The following SLC12A4 variants were observed in gnomAD, a reference collection of about 807,000 sequenced individuals.
The protein encoded by SLC12A4 is electroneutral potassium-chloride cotransporter 1.
Under a neutral mutation model 119.2 loss-of-function variants are expected in SLC12A4, and 84 were observed. That is an observed-to-expected ratio of 0.70 (90% CI 0.59 to 0.85). The LOEUF (loss-of-function observed/expected upper bound fraction) is 0.85. Ranked by LOEUF, SLC12A4 falls within the 40% of genes least tolerant of loss-of-function variation. The pLI, the probability that SLC12A4 is intolerant of heterozygous loss-of-function variation, is 0.00. For missense variants in SLC12A4, 1,298 were observed against 1,476.3 expected, an observed-to-expected ratio of 0.88 and a Z score of 1.98; for synonymous variants, 599 against 604.6, an observed-to-expected ratio of 0.99 and a Z score of 0.14.
At chr16:67,962,240 C>T (rs1390163102) in intron 2 of SLC12A4, 1 of 152,596 alleles carries the variant, frequency 6.6e-6, no homozygotes, top group Non-Finnish European at 1.5e-5. Flanking sequence ...CTGCAAGTAC[C>T]CACATCAATC....
Position 67,950,601 on chromosome 16 carries a change from G to A in SLC12A4, c.1454+53C>T. On this transcript the variant is annotated intron_variant, in intron 11 of 23. Coordinates refer to ENST00000316341, the MANE Select transcript of SLC12A4 (RefSeq NM_005072.5). The surrounding 1 kb of genome is among the most constrained non-coding windows in gnomAD (Gnocchi z 4.3). ...CACCCACGGGGTTGGGAGCTGGTGT[G>A]AGGGCAGGCCAAAGCCCAGCCGCTG... is the stretch of plus-strand genomic sequence containing the variant. 6.2e-7 allele frequency: 1 copy of A among 1,607,976 alleles called. No individual in the cohort carries two copies. The highest frequency in any genetic ancestry group is 8.5e-7 in the Non-Finnish European group (1 of 1,176,898).
At chr16:67,959,430 T>A (rs1336225954) in intron 3 of SLC12A4, among the ~76,000 whole-genome samples, 2 of 152,106 alleles carry the variant, frequency 1.3e-5, no homozygotes, top group Non-Finnish European at 2.9e-5. Flanking sequence ...AGAAGAGAAC[T>A]CCATGGCCAT....
chr16:67,950,962 A>C lies in SLC12A4; in HGVS notation c.1396T>G (p.Tyr466Asp), dbSNP rs750488270. ...CTGCCCCAGGCCTGGGAAAGGATAC[A>C]CACGAGGGAAGTTGTAATGATGGCC... ...ILAIITTSLV[Y>D]FSSVVLFGAC... is the part of the protein sequence containing the mutation. The change falls in exon 10 of 24, where the codon TAC becomes GAC. Residue 466 changes from tyrosine to aspartate, a missense_variant and splice_region_variant. By Grantham distance (160) the Tyr-to-Asp change is radical. Coordinates refer to ENST00000316341, the MANE Select transcript of SLC12A4 (RefSeq NM_005072.5). This position sits in a 1 kb window ranked among gnomAD's most constrained non-coding sequence, Gnocchi z 4.3. The C allele has an allele frequency of 5.6e-6, 9 of 1,613,248 alleles. No individual in the cohort carries two copies. The highest frequency in any genetic ancestry group is 7.6e-6 in the Non-Finnish European group (9 of 1,179,722).
At chr16:67,964,590 A>G (rs1242987241) in intron 1 of SLC12A4, among the ~76,000 whole-genome samples, 1 of 151,932 alleles carries the variant, frequency 6.6e-6, no homozygotes, top group Non-Finnish European at 1.5e-5. Flanking sequence ...CTCACAGCAA[A>G]TGGAAAGCAC....
rs111342145 is a variant in SLC12A4 at position 67,951,528 on chromosome 16, C to T, written c.1133-224G>A. 4.4e-5 allele frequency: 27 copies of T among 613,366 alleles called. 1 individual carries two copies. The highest frequency in any genetic ancestry group is 3.5e-4 in the African/African-American group (19 of 54,204). The allele number at this position is 613,366 out of a possible 1,614,324, so 38.0% of individuals were successfully genotyped here. On this transcript the variant is annotated intron_variant, in intron 8 of 23. Coordinates refer to ENST00000316341, the MANE Select transcript of SLC12A4 (RefSeq NM_005072.5). The surrounding 1 kb of genome is among the most constrained non-coding windows in gnomAD (Gnocchi z 5.2). ...GGCTGAACCACCGTCACCCAGAGCC[C>T]GCCACTGCCCGCCTTCCACAGAGGC... is the stretch of plus-strand genomic sequence containing the variant.
chr16:67,946,874 C>T, intron 17 of SLC12A4, 63 bp downstream of exon 17: 1 of 1,541,436 alleles, frequency 6.5e-7, no homozygotes, highest in Non-Finnish European at 8.8e-7. Flanking sequence ...GCCCTCCCCT[C>T]CGTGCCAGCT....
Position 67,949,097 on chromosome 16 carries a change from C to T in SLC12A4, c.1748+703G>A, listed in dbSNP as rs1270463482. ...GTCACCACATGCTGGCCACTCCCTG[C>T]AAGGCACTGGCACGCAGATTTGCCT... On this transcript the variant is annotated intron_variant, in intron 13 of 23. Coordinates refer to ENST00000316341, the MANE Select transcript of SLC12A4 (RefSeq NM_005072.5). This position sits in a 1 kb window ranked among gnomAD's most constrained non-coding sequence, Gnocchi z 4.6. Among the ~76,000 whole-genome samples the T allele has an allele frequency of 1.3e-5, 2 of 152,300 alleles. No individual in the cohort carries two copies. Among genetic ancestry groups the T allele is most frequent in the South Asian group, 4.1e-4 (2 of 4,822 alleles).
chr16:67,963,569 G>T lies in SLC12A4; in HGVS notation c.116-10C>A. 1 of 1,553,352 alleles carries T rather than the reference G, an allele frequency of 6.4e-7. No individual in the cohort carries two copies. Among genetic ancestry groups the T allele is most frequent in the South Asian group, 1.2e-5 (1 of 82,298 alleles). ...CTGTGGTTGCCATGTCCTGTGAAGAGAGAGGGACAATCAGGGCCTGCTTCC... is the reference window on the plus strand; with the variant it reads ...CTGTGGTTGCCATGTCCTGTGAAGATAGAGGGACAATCAGGGCCTGCTTCC... On this transcript the variant is annotated splice_polypyrimidine_tract_variant and intron_variant, in intron 1 of 23. Coordinates refer to ENST00000316341, the MANE Select transcript of SLC12A4 (RefSeq NM_005072.5).
Position 67,950,137 on chromosome 16 carries a change from G to A in SLC12A4, c.1629+182C>T. 1 of 736,416 alleles carries A rather than the reference G, an allele frequency of 1.4e-6. No individual in the cohort carries two copies. Among genetic ancestry groups the A allele is most frequent in the Non-Finnish European group, 2.2e-6 (1 of 457,782 alleles). 45.6% of individuals were successfully genotyped at this position (736,416 alleles called of 1,614,324 possible). A position where few individuals can be genotyped will look rare whatever the true frequency, so the allele number is the denominator to read the frequency against. On this transcript the variant is annotated intron_variant, in intron 12 of 23. Transcript: ENST00000316341. This position sits in a 1 kb window ranked among gnomAD's most constrained non-coding sequence, Gnocchi z 4.3. Reference sequence around the variant, plus strand: ...CAGGCCATGAAGATTCTGGGTCCAGGCAGCTCCAGGCCCAGGTGAGTGCCA... The same window carrying A: ...CAGGCCATGAAGATTCTGGGTCCAGACAGCTCCAGGCCCAGGTGAGTGCCA...
intron 1 of SLC12A4, chr16:67,964,012 C>G: frequency 6.4e-7 from 1 of 1,551,170 alleles, no homozygotes. Flanking sequence ...CCGCACACAG[C>G]ACCTTCGGCT....
chr16:67,945,803 C>T lies in SLC12A4; in HGVS notation c.2808G>A (p.Leu936=), dbSNP rs2058337815. Residue 936 remains leucine, a synonymous_variant, in exon 21 of 24, where the codon CTG becomes CTA. Transcript: ENST00000316341. The part of the protein sequence containing the change: ...TLMMEQRSQM[L]RQMRLTKTER... ...CAGTCTTGGTCAGTCTCATCTGCCG[C>T]AGCATCTGCGACCGCTGCTCCATCA... 1.2e-6 allele frequency: 2 copies of T among 1,613,784 alleles called. No homozygotes were observed. Among genetic ancestry groups the T allele is most frequent in the African/African-American group, 2.7e-5 (2 of 74,956 alleles).
rs1331087698 is a variant in SLC12A4, at chr16:67,950,932, C to G, written c.1396+30G>C. ...AGGCCAAGCGCTTCCCGTCCTCTGC[C>G]CCACCTGCCCCAGGCCTGGGAAAGG... On this transcript the variant is annotated intron_variant, in intron 10 of 23. Transcript: ENST00000316341. The surrounding 1 kb of genome is among the most constrained non-coding windows in gnomAD (Gnocchi z 4.3). 6.2e-7 allele frequency: 1 copy of G among 1,605,592 alleles called. No homozygotes were observed. Among genetic ancestry groups the G allele is most frequent in the Non-Finnish European group, 8.5e-7 (1 of 1,173,350 alleles).
intron 6 of SLC12A4, chr16:67,954,118 G>A (rs2030106502): frequency 2.5e-6 from 1 of 408,106 alleles, no homozygotes. Context: ...TCTCCCACTG[G>A]TACGGCAGTT....
Position 67,949,504 on chromosome 16 carries a change from T to C in SLC12A4, c.1748+296A>G, listed in dbSNP as rs2058389358. The C allele has an allele frequency of 1.4e-5, 4 of 278,798 alleles. No homozygotes were observed. The allele number at this position is 278,798 out of a possible 1,614,324, so 17.3% of individuals were successfully genotyped here. On this transcript the variant is annotated intron_variant, in intron 13 of 23. Coordinates refer to ENST00000316341, the MANE Select transcript of SLC12A4 (RefSeq NM_005072.5). The surrounding 1 kb of genome is among the most constrained non-coding windows in gnomAD (Gnocchi z 4.6). ...AACTAACAGATGGAAGGGGCAGCAG[T>C]GGCTTCATGGAGGCATGAGGGACGC...
rs1306179109 is a variant in SLC12A4, at chr16:67,944,873, A to G, written c.3225T>C (p.Gly1075=). 1.2e-6 allele frequency: 2 copies of G among 1,613,194 alleles called. No homozygotes were observed. Among genetic ancestry groups the G allele is most frequent in the African/African-American group, 2.7e-5 (2 of 74,894 alleles). Residue 1075 remains glycine (G), a synonymous_variant, in exon 24 of 24, where the codon GGT becomes GGC. Transcript: ENST00000316341. The surrounding 1 kb of genome is among the most constrained non-coding windows in gnomAD (Gnocchi z 6.6). ...EGLERVLLVR[G]GGREVITIYS is the part of the protein sequence containing the mutation. Reference sequence around the variant, plus strand: ...AGATGGTGATGACTTCACGGCCACCACCGCGCACCAACAGCACCCGCTCAA... The same window carrying G: ...AGATGGTGATGACTTCACGGCCACCGCCGCGCACCAACAGCACCCGCTCAA...
chr16:67,944,157 G>A lies in SLC12A4; in HGVS notation c.*683C>T. The A allele has an allele frequency of 6.6e-7, 1 of 1,525,110 alleles. No homozygotes were observed. The highest frequency in any genetic ancestry group is 1.2e-5 in the South Asian group (1 of 82,726). 94.5% of individuals were successfully genotyped at this position (1,525,110 alleles called of 1,614,324 possible). On this transcript the variant is annotated 3_prime_UTR_variant, in exon 24 of 24. Transcript: ENST00000316341. The surrounding 1 kb of genome is among the most constrained non-coding windows in gnomAD (Gnocchi z 6.6). ...CGGCACTGGGCTGTCCTTATCTGGT[G>A]TGGGAGTGGGAGGGGCCCTAGGGCC...
chr16:67,951,238 T>A lies in SLC12A4; in HGVS notation c.1199A>T (p.Asp400Val). 6.2e-7 allele frequency: 1 copy of A among 1,614,030 alleles called. No individual in the cohort carries two copies. The highest frequency in any genetic ancestry group is 8.5e-7 in the Non-Finnish European group (1 of 1,179,982). ...CAGGCTCTCCTTCAGGCTCGGGGCA[T>A]CTGCGGAGGGCAGCCCATGCTTCTC... ...IVEKHGLPSA[D>V]APSLKESLPL... Residue 400 changes from aspartate (D) to valine (V), a missense_variant, in exon 9 of 24, where the codon GAT (aspartate) becomes GTT (valine). Physicochemically the swap from Asp to Val is radical, Grantham distance 152 (BLOSUM62 -3). Transcript: ENST00000316341. The surrounding 1 kb of genome is among the most constrained non-coding windows in gnomAD (Gnocchi z 5.2).
At chr16:67,953,418 A>G (rs1332757610) in intron 6 of SLC12A4, among the ~76,000 whole-genome samples, 1 of 152,200 alleles carries the variant, frequency 6.6e-6, no homozygotes, top group South Asian at 2.1e-4. Flanking sequence ...ATAAAAAATA[A>G]GAGTACCTAA....
chr16:67,966,880 G>A (rs2030892745), intron 1 of SLC12A4: 1 of 1,512,396 alleles, frequency 6.6e-7, no homozygotes, highest in Non-Finnish European at 8.9e-7. Context: ...GCAGGACTCA[G>A]CCAATGTAGC....
Sources: gnomAD v4.1 joint callset for allele counts (sites outside exome capture counted in the v4.1 genomes callset) on GRCh38, gnomAD v4.1.1 for gene constraint, Gnocchi (gnomAD v3.1) non-coding constraint, MANE v1.5 for transcripts, NCBI Gene and HGNC (gene_info 2026-07-23, HGNC 2026-07-21) for gene names.